The following CPT1A variants were observed in gnomAD, a reference collection of about 807,000 sequenced individuals.
The protein encoded by CPT1A is carnitine O-palmitoyltransferase 1, liver isoform.
In CPT1A, 64 loss-of-function variants were observed where a neutral mutation model predicts 100.8. That is an observed-to-expected ratio of 0.63 (90% confidence interval 0.52 to 0.78). CPT1A has a LOEUF of 0.78. CPT1A is among the 30% of genes least tolerant of loss of function. CPT1A has a pLI of 0.00. For synonymous variants in CPT1A, 363 were observed against 396.0 expected (o/e 0.92, Z 0.99); for missense variants, 802 against 1,034.1 (o/e 0.78, Z 3.08).
chr11:68,760,011 A>G (rs1428518128), intron 17 of CPT1A, among the ~76,000 whole-genome samples: 2 of 152,216 alleles, frequency 1.3e-5, no homozygotes, highest in Non-Finnish European at 2.9e-5. Context: ...ACTGCACTCC[A>G]GCCTGGGTGA....
intron 15 of CPT1A, among the ~76,000 whole-genome samples, chr11:68,762,028 C>T (rs1216224880): frequency 3.9e-5 from 6 of 152,216 alleles, no homozygotes; most frequent in African/African-American, 1.4e-4. Flanking sequence ...CACCTGCACG[C>T]TGGAGTCAGG....
At chr11:68,805,184 TCACGCCTGTTGATCCCAG>T (rs1204431906) in intron 4 of CPT1A, among the ~76,000 whole-genome samples, 1 of 152,140 alleles carries the variant, frequency 6.6e-6, no homozygotes, top group Non-Finnish European at 1.5e-5. Context: ...GTGTGGTGGC[TCACGCCTGTTGATCCCAG>T]CACTTTGGGA....
chr11:68,782,667 C>T (rs555781166), intron 10 of CPT1A, among the ~76,000 whole-genome samples: 1 of 152,328 alleles, frequency 6.6e-6, no homozygotes, highest in African/African-American at 2.4e-5. Flanking sequence ...CCTCTCACTC[C>T]AGCTCCTCCA....
At chr11:68,816,755 C>CGT (rs5792452) in intron 1 of CPT1A, among the ~76,000 whole-genome samples, 1,807 of 145,172 alleles carry the variant, frequency 0.012, 37 homozygotes, top group African/African-American at 0.041. Context: ...TCCAAAAACT[C>CGT]GTGTGTGTGT....
chr11:68,836,591 G>A (rs1177336805), intron 1 of CPT1A, among the ~76,000 whole-genome samples: 2 of 151,978 alleles, frequency 1.3e-5, no homozygotes, highest in African/African-American at 4.8e-5. Context: ...TGGCCAACAT[G>A]GTGAAACTCA....
chr11:68,831,328 T>C (rs1594377815), intron 1 of CPT1A, among the ~76,000 whole-genome samples: 1 of 152,042 alleles, frequency 6.6e-6, no homozygotes, highest in Non-Finnish European at 1.5e-5. Context: ...GGAAAGCAGG[T>C]GAAAGGTCAG....
chr11:68,791,827 G>T (rs921959019), intron 9 of CPT1A, among the ~76,000 whole-genome samples: 1 of 151,318 alleles, frequency 6.6e-6, no homozygotes, highest in Admixed American at 6.6e-5. Context: ...GTGAGCCACC[G>T]CGCCTGGCCA....
intron 12 of CPT1A, among the ~76,000 whole-genome samples, chr11:68,776,994 G>A (rs952090294): frequency 5.3e-5 from 8 of 152,192 alleles, no homozygotes; most frequent in Non-Finnish European, 1.0e-4. Flanking sequence ...CTGGCGAGGC[G>A]GCGGGGCGGG....
chr11:68,787,341 C>G (rs1302717076), intron 9 of CPT1A, among the ~76,000 whole-genome samples: 1 of 150,782 alleles, frequency 6.6e-6, no homozygotes, highest in African/African-American at 2.4e-5. Flanking sequence ...GATGCTGAGG[C>G]AGGAGAAGCT....
At chr11:68,783,307 C>A (rs1032789388) in intron 10 of CPT1A, among the ~76,000 whole-genome samples, 1 of 151,854 alleles carries the variant, frequency 6.6e-6, no homozygotes, top group Non-Finnish European at 1.5e-5. Context: ...CCACCTGAAG[C>A]GGCACCCAGT....
At chr11:68,783,481 T>TCTGCAAGACACAGCC (rs1855370593) in intron 10 of CPT1A, among the ~76,000 whole-genome samples, 1 of 152,002 alleles carries the variant, frequency 6.6e-6, no homozygotes, top group Admixed American at 6.6e-5. Flanking sequence ...GCTCCCACCC[T>TCTGCAAGACACAGCC]CTGCAAGACA....
upstream of CPT1A, among the ~76,000 whole-genome samples, chr11:68,843,130 C>T (rs1035751890): frequency 6.6e-6 from 1 of 152,062 alleles, no homozygotes. This position sits in a 1 kb window ranked among gnomAD's most constrained non-coding sequence, Gnocchi z 4.0. Flanking sequence ...TCCCGCCCCC[C>T]ACCACCGCTG....
In CPT1A at chr11:68,796,711, G is replaced by A. The variant is rs955008262; in HGVS notation, c.771+145C>T. 26 of 782,042 alleles carry A rather than the reference G, an allele frequency of 3.3e-5. 1 individual carries two copies. The highest frequency in any genetic ancestry group is 5.2e-5 in the Non-Finnish European group (24 of 463,118). 48.4% of individuals were successfully genotyped at this position (782,042 alleles called of 1,614,324 possible). On this transcript the variant is annotated intron_variant, in intron 7 of 18. Transcript: ENST00000265641. ...CTGAAGGGTACTCATAGGGTTCTCC[G>A]GCCTGGAAGCAGGACAGAGAGGAGC...
intron 16 of CPT1A, among the ~76,000 whole-genome samples, chr11:68,761,168 A>T (rs182664620): frequency 4.0e-5 from 6 of 151,586 alleles, no homozygotes; most frequent in African/African-American, 1.2e-4. Context: ...ACACTGTAAG[A>T]CCCTGTCTCA....
chr11:68,807,773 G>A (rs1423220013), intron 3 of CPT1A, 135 bp from the exon 4 acceptor site: 10 of 812,860 alleles, frequency 1.2e-5, no homozygotes, highest in Admixed American at 2.0e-5. Flanking sequence ...AAAGTCAGAG[G>A]GAGAGCACTT....
At chr11:68,837,818 C>A (rs1857048118) in intron 1 of CPT1A, among the ~76,000 whole-genome samples, 1 of 152,012 alleles carries the variant, frequency 6.6e-6, no homozygotes, top group East Asian at 1.9e-4. Context: ...AGAGCAAGAC[C>A]TTGTCACTAA....
chr11:68,775,236 G>T, intron 13 of CPT1A, 80 bp downstream of exon 13: 3 of 1,200,370 alleles, frequency 2.5e-6, no homozygotes, highest in Non-Finnish European at 3.7e-6. Flanking sequence ...CAGGAACTAC[G>T]GTTGGAAAAT....
At chr11:68,807,730 A>C in intron 3 of CPT1A, 92 bp from the exon 4 acceptor site, 1 of 1,261,802 alleles carries the variant, frequency 7.9e-7, no homozygotes, top group East Asian at 2.4e-5. Context: ...CACGTGCTGC[A>C]GGGTCCAGCA....
At chr11:68,825,750 C>T (rs1219172249) in intron 1 of CPT1A, among the ~76,000 whole-genome samples, 1 of 152,036 alleles carries the variant, frequency 6.6e-6, no homozygotes, top group Non-Finnish European at 1.5e-5. Flanking sequence ...CAGGAGGCCA[C>T]ACTCCTGGCC....
Sources: allele counts gnomAD v4.1 joint callset (sites outside exome capture counted in the v4.1 genomes callset), GRCh38; gene constraint gnomAD v4.1.1; non-coding constraint Gnocchi (gnomAD v3.1); transcripts MANE v1.5; gene names NCBI Gene and HGNC (gene_info 2026-07-23, HGNC 2026-07-21).